The following ME2 variants were observed in gnomAD, a reference collection of about 807,000 sequenced individuals.
ME2 encodes NAD-dependent malic enzyme, mitochondrial.
ME2 carries 60 observed loss-of-function variants against 73.7 expected under a neutral mutation model. The observed-to-expected ratio is 0.81, with a 90% CI of 0.66 to 1.01. The LOEUF (loss-of-function observed/expected upper bound fraction) is 1.01. Ranked by LOEUF, ME2 falls within the 50% of genes least tolerant of loss-of-function variation. ME2 has a pLI of 0.00. For synonymous variants in ME2, 199 were observed against 236.9 expected (o/e 0.84, Z 1.47); for missense variants, 594 against 705.5 (o/e 0.84, Z 1.79).
At chr18:50,924,763 C>G (rs1346521253) in intron 11 of ME2, among the ~76,000 whole-genome samples, 1 of 151,406 alleles carries the variant, frequency 6.6e-6, no homozygotes, top group Non-Finnish European at 1.5e-5. Context: ...CTCACTGCAA[C>G]TTCCACCTCC....
chr18:50,904,906 A>G (rs1212253459), intron 2 of ME2, among the ~76,000 whole-genome samples: 1 of 151,656 alleles, frequency 6.6e-6, no homozygotes, highest in East Asian at 1.9e-4. Context: ...TTGAAATATT[A>G]TTCTGCTTCT....
At chr18:50,908,321 C>A in intron 3 of ME2, 125 bp downstream of exon 3, 1 of 612,976 alleles carries the variant, frequency 1.6e-6, no homozygotes, top group Non-Finnish European at 2.7e-6. Flanking sequence ...CAGTTAACTA[C>A]TTTTATAAAG....
chr18:50,936,881 T>C (rs887694671), intron 13 of ME2, among the ~76,000 whole-genome samples: 8 of 152,192 alleles, frequency 5.3e-5, no homozygotes, highest in African/African-American at 1.7e-4. Context: ...CAGCAAGCTT[T>C]GGTCGTGCCA....
intron 2 of ME2, among the ~76,000 whole-genome samples, chr18:50,904,180 G>A (rs534012586): frequency 1.3e-5 from 2 of 151,742 alleles, no homozygotes; most frequent in South Asian, 4.2e-4. Flanking sequence ...CTCTCTTTTG[G>A]TTACAATTTG....
Position 50,939,569 on chromosome 18 carries a change from G to C in ME2, c.1418-1G>C, listed in dbSNP as rs1254133668. The C allele has an allele frequency of 6.2e-7, 1 of 1,606,588 alleles. No homozygotes were observed. The highest frequency in any genetic ancestry group is 8.5e-7 in the Non-Finnish European group (1 of 1,173,480). On this transcript the variant is annotated splice_acceptor_variant, in intron 13 of 15. Transcript: ENST00000321341. LOFTEE classifies it high-confidence loss of function. ...CTAGTAAACTTTAAAATGTGTTCTAGGTGTGGCTTTAGCTGTTATTCTCTG... is the reference window on the plus strand; with the variant it reads ...CTAGTAAACTTTAAAATGTGTTCTACGTGTGGCTTTAGCTGTTATTCTCTG...
intron 1 of ME2, among the ~76,000 whole-genome samples, chr18:50,883,757 G>A (rs758608386): frequency 2.6e-5 from 4 of 152,152 alleles, no homozygotes; most frequent in Non-Finnish European, 4.4e-5. Context: ...CTAGCTACTC[G>A]GGAGGCTGAG....
At chr18:50,928,116 C>G (rs1242059541) in intron 12 of ME2, among the ~76,000 whole-genome samples, 1 of 149,802 alleles carries the variant, frequency 6.7e-6, no homozygotes, top group Non-Finnish European at 1.5e-5. Context: ...CTGTGCCCCA[C>G]CTAATTTCTT....
chr18:50,904,707 T>C (rs897987731), intron 2 of ME2, among the ~76,000 whole-genome samples: 1 of 152,146 alleles, frequency 6.6e-6, no homozygotes, highest in African/African-American at 2.4e-5. Flanking sequence ...CATGAGCCAC[T>C]GCGCCTGGCC....
chr18:50,886,819 A>G (rs1916484291), intron 1 of ME2, among the ~76,000 whole-genome samples: 1 of 151,998 alleles, frequency 6.6e-6, no homozygotes, highest in Non-Finnish European at 1.5e-5. Flanking sequence ...TGGGCAACAT[A>G]GAGAGACCCC....
chr18:50,927,059 A>G (rs949005219), intron 12 of ME2, among the ~76,000 whole-genome samples: 1 of 152,212 alleles, frequency 6.6e-6, no homozygotes, highest in Non-Finnish European at 1.5e-5. Context: ...TTTAAGATTC[A>G]CTACTTTTAG....
In ME2 at chr18:50,947,397, A is replaced by G. The variant is rs527710919; in HGVS notation, c.*213A>G. The G allele has an allele frequency of 1.1e-4, 60 of 537,100 alleles. No homozygotes were observed. The highest frequency in any genetic ancestry group is 1.1e-3 in the African/African-American group (59 of 52,874). 33.3% of individuals were successfully genotyped at this position (537,100 alleles called of 1,614,324 possible). On this transcript the variant is annotated 3_prime_UTR_variant, in exon 16 of 16. Coordinates refer to ENST00000321341, the MANE Select transcript of ME2 (RefSeq NM_002396.5). ...AGCACCCTACAGTCAGATAGTTGTG[A>G]TGCTTTAATTCTAACATACAGCCCG...
At chr18:50,926,284 T>TA (rs1381272987) in intron 12 of ME2, among the ~76,000 whole-genome samples, 1 of 152,142 alleles carries the variant, frequency 6.6e-6, no homozygotes, top group Admixed American at 6.5e-5. Flanking sequence ...TATTTAAGTG[T>TA]AGGTCTAATG....
In ME2 at chr18:50,920,717, C is replaced by A. The variant is rs376084308; in HGVS notation, c.901C>A (p.Pro301Thr). The stretch of plus-strand genomic sequence containing the variant: ...TGCAGCACAAAAAGTTATTAGTAAA[C>A]CAATCTCCGAACACAAAATCTTATT... ...LLAAQKVISK[P>T]ISEHKILFLG... Residue 301 changes from proline (P) to threonine (T), a missense_variant, in exon 9 of 16, where the codon CCA becomes ACA. By Grantham distance (38) the Pro-to-Thr change is conservative (BLOSUM62 -1). Transcript: ENST00000321341. 136 of 1,611,830 alleles carry A rather than the reference C, an allele frequency of 8.4e-5. No homozygotes were observed. Among genetic ancestry groups the A allele is most frequent in the Non-Finnish European group, 1.1e-4 (135 of 1,179,796 alleles).
In ME2 at chr18:50,890,640, C is replaced by A. The variant is rs546559313; in HGVS notation, c.-12-5169C>A. Among the ~76,000 whole-genome samples, 5 of 152,098 alleles carry A rather than the reference C, an allele frequency of 3.3e-5. No individual in the cohort carries two copies. The South Asian group carries it at 8.3e-4, about 25-fold the overall frequency. On this transcript the variant is annotated intron_variant, in intron 1 of 15. Coordinates refer to ENST00000321341, the MANE Select transcript of ME2 (RefSeq NM_002396.5). ...ATAACCTCTAAACTAGACAGAATTC[C>A]TTTTTTCAACAAAAAACACATCTTT...
At position 50,951,903 on chromosome 18, in the gene ME2, A is replaced by T. The variant is rs932932891; in HGVS notation, c.*4719A>T. ...AAAAAAAAAAAAAAAAAAAAAAAAA[A>T]TCTCCAGGGTTCTGTTGAATTCACC... is the stretch of plus-strand genomic sequence containing the variant. On this transcript the variant is annotated 3_prime_UTR_variant, in exon 16 of 16. Transcript: ENST00000321341. The T allele has an allele frequency of 7.7e-6, 1 of 129,262 alleles. No individual in the cohort carries two copies. The highest frequency in any genetic ancestry group is 1.6e-5 in the Non-Finnish European group (1 of 62,086). The allele number at this position is 129,262 out of a possible 1,614,324, so 8.0% of individuals were successfully genotyped here.
At chr18:50,940,489 A>G (rs1917921832) in intron 15 of ME2, 103 bp downstream of exon 15, 1 of 820,120 alleles carries the variant, frequency 1.2e-6, no homozygotes, top group Non-Finnish European at 1.9e-6. Flanking sequence ...GAAGGCTGCA[A>G]AGAAGAAATT....
chr18:50,920,731 C>G lies in ME2; in HGVS notation c.915C>G (p.His305Gln). 6.2e-7 allele frequency: 1 copy of G among 1,611,728 alleles called. No homozygotes were observed. The highest frequency in any genetic ancestry group is 8.5e-7 in the Non-Finnish European group (1 of 1,179,738). The stretch of plus-strand genomic sequence containing the variant: ...TTATTAGTAAACCAATCTCCGAACA[C>G]AAAATCTTATTCCTTGGAGCAGGAG... Reference protein sequence around the residue: ...QKVISKPISEHKILFLGAGEA... With the variant: ...QKVISKPISEQKILFLGAGEA... The change falls in exon 9 of 16, where the codon CAC becomes CAG. Residue 305 changes from histidine (H) to glutamine (Q), a missense_variant. Coordinates refer to ENST00000321341, the MANE Select transcript of ME2 (RefSeq NM_002396.5).
intron 2 of ME2, among the ~76,000 whole-genome samples, chr18:50,897,091 C>G (rs1430484246): frequency 6.6e-6 from 1 of 152,140 alleles, no homozygotes; most frequent in Non-Finnish European, 1.5e-5. Flanking sequence ...CTTCCTGTTC[C>G]TGTGGCAAGT....
chr18:50,930,996 G>A (rs1034099787), intron 12 of ME2, among the ~76,000 whole-genome samples: 17 of 152,204 alleles, frequency 1.1e-4, no homozygotes, highest in Admixed American at 9.8e-4. Context: ...GTATCATTTT[G>A]AAATGGAAAG....
Sources: gnomAD v4.1 joint callset for allele counts (sites outside exome capture counted in the v4.1 genomes callset) on GRCh38, gnomAD v4.1.1 for gene constraint, MANE v1.5 for transcripts, NCBI Gene and HGNC (gene_info 2026-07-23, HGNC 2026-07-21) for gene names.